PKD2L1: variants seen among roughly 807,000 people sequenced by gnomAD.
PKD2L1 encodes polycystin-2-like protein 1.
In PKD2L1, 77 loss-of-function variants were observed where a neutral mutation model predicts 93.0. The observed-to-expected ratio is 0.83, with a 90% CI of 0.69 to 1.00. PKD2L1 has a LOEUF of 1.00. Ranked by LOEUF, PKD2L1 falls within the 50% of genes least tolerant of loss-of-function variation. The pLI is 0.00. For synonymous variants in PKD2L1, 390 were observed against 388.0 expected, an observed-to-expected ratio of 1.01 and a Z score of -0.06; for missense variants, 977 against 990.9, an observed-to-expected ratio of 0.99 and a Z score of 0.19.
intron 2 of PKD2L1, among the ~76,000 whole-genome samples, chr10:100,306,104 A>G (rs933089756): frequency 3.9e-5 from 6 of 152,106 alleles, no homozygotes; most frequent in Non-Finnish European, 5.9e-5. Flanking sequence ...TCAAGGCTGC[A>G]GTGAGCCAAG....
chr10:100,291,749 T>C (rs1848412002), intron 11 of PKD2L1, among the ~76,000 whole-genome samples: 1 of 152,060 alleles, frequency 6.6e-6, no homozygotes, highest in Non-Finnish European at 1.5e-5. Context: ...ATAATACAAC[T>C]AGAGTAATTA....
intron 2 of PKD2L1, among the ~76,000 whole-genome samples, chr10:100,302,597 G>A (rs1294446268): frequency 6.6e-6 from 1 of 151,806 alleles, no homozygotes; most frequent in Non-Finnish European, 1.5e-5. Flanking sequence ...CCAGCTGCTT[G>A]GGAGGCTGAG....
rs199789744 is a variant in PKD2L1 at position 100,288,407 on chromosome 10, G to A, written c.2407C>T (p.Gln803Ter). ...RLSRGEIPTLQRS is the reference protein window; with the variant it reads ...RLSRGEIPTL Reference sequence around the variant, plus strand: ...GGAGTGCCTCACACTTAACTCCTCTGCAACGTTGGAATCTCACCACGGGAG... The same window carrying A: ...GGAGTGCCTCACACTTAACTCCTCTACAACGTTGGAATCTCACCACGGGAG... Residue 803 changes from glutamine to a stop codon, truncating the protein, a stop_gained, in exon 16 of 16, where the codon CAG (glutamine) becomes TAG (stop). Transcript: ENST00000318222. LOFTEE classifies it high-confidence loss of function. 5.0e-6 allele frequency: 8 copies of A among 1,609,120 alleles called. No homozygotes were observed. Among genetic ancestry groups the A allele is most frequent in the Admixed American group, 3.3e-5 (2 of 60,012 alleles).
intron 8 of PKD2L1, 37 bp from the exon 9 acceptor site, chr10:100,294,692 C>A (rs201481174): frequency 8.9e-5 from 143 of 1,613,222 alleles, no homozygotes; most frequent in South Asian, 2.0e-4. Context: ...CAGAGCCTAA[C>A]AAACACCCCC....
intron 2 of PKD2L1, among the ~76,000 whole-genome samples, chr10:100,308,192 T>C (rs987947273): frequency 1.3e-5 from 2 of 152,118 alleles, no homozygotes; most frequent in Admixed American, 6.6e-5. Flanking sequence ...AAATTCACAA[T>C]TGCTCAATAA....
chr10:100,328,635 C>T (rs1393451305), intron 2 of PKD2L1, among the ~76,000 whole-genome samples: 2 of 151,608 alleles, frequency 1.3e-5, no homozygotes. Flanking sequence ...TGCTCTGTCC[C>T]CCAGGCTGGA....
intron 2 of PKD2L1, among the ~76,000 whole-genome samples, chr10:100,304,252 A>G (rs958422045): frequency 1.3e-5 from 2 of 152,164 alleles, no homozygotes; most frequent in East Asian, 3.8e-4. Flanking sequence ...TCCCTCATTA[A>G]TTCTTACATC....
In PKD2L1 at chr10:100,314,958, AGAAAGAAGGAAGGAAG is replaced by A. The variant is rs1337927971; in HGVS notation, c.349+14237_349+14252del. On this transcript the variant is annotated intron_variant, in intron 2 of 15. Transcript: ENST00000318222. Reference sequence around the variant, plus strand: ...GCTAAGGCAGAAAAGAAAGAAAGAAAGAAAGAAGGAAGGAAGGAAGGAAGGAAGGAAGGAAGGAAGG... The same window carrying A: ...GCTAAGGCAGAAAAGAAAGAAAGAAAGAAGGAAGGAAGGAAGGAAGGAAGG... Among the ~76,000 whole-genome samples, 18 of 43,742 alleles carry A rather than the reference AGAAAGAAGGAAGGAAG, an allele frequency of 4.1e-4. 3 individuals are homozygous for A. The highest frequency in any genetic ancestry group is 1.5e-3 in the South Asian group (2 of 1,370). 28.7% of individuals were successfully genotyped at this position (43,742 alleles called of 152,430 possible). A position where few individuals can be genotyped will look rare whatever the true frequency, so the allele number is the denominator to read the frequency against.
At chr10:100,291,693 A>G (rs192418023) in intron 11 of PKD2L1, among the ~76,000 whole-genome samples, 12 of 152,254 alleles carry the variant, frequency 7.9e-5, no homozygotes, top group Admixed American at 3.9e-4. Flanking sequence ...ATAACCTGCT[A>G]TCCCCCAGCT....
At chr10:100,303,054 AAG>A (rs950069934) in intron 2 of PKD2L1, among the ~76,000 whole-genome samples, 21 of 152,176 alleles carry the variant, frequency 1.4e-4, no homozygotes, top group African/African-American at 3.9e-4. Context: ...AGGATGGGGA[AAG>A]AGAGAATGAG....
chr10:100,300,287 G>A (rs554518983), intron 2 of PKD2L1, among the ~76,000 whole-genome samples: 25 of 152,220 alleles, frequency 1.6e-4, no homozygotes, highest in African/African-American at 5.5e-4. Context: ...ACGATCAGAT[G>A]GGCACAGTCA....
intron 12 of PKD2L1, 27 bp downstream of exon 12, chr10:100,291,274 G>A (rs756149222): frequency 1.2e-6 from 2 of 1,607,698 alleles, no homozygotes; most frequent in Non-Finnish European, 1.7e-6. Flanking sequence ...TCCTTACACT[G>A]CCTCTCCACC....
At chr10:100,297,757 G>A in intron 4 of PKD2L1, 151 bp from the exon 5 acceptor site, 1 of 576,452 alleles carries the variant, frequency 1.7e-6, no homozygotes. Flanking sequence ...TGAGATATGT[G>A]ATATATACAT....
At position 100,297,586 on chromosome 10, in the gene PKD2L1, T is replaced by A. The variant is rs763580228; in HGVS notation, c.752A>T (p.Asp251Val). The change falls in exon 5 of 16, where the codon GAT becomes GTT. Residue 251 changes from aspartate (D) to valine (V), a missense_variant. Transcript: ENST00000318222. Reference protein sequence around the residue: ...NGTAWTYHSQDELGGFSHWGR... With the variant: ...NGTAWTYHSQVELGGFSHWGR... Reference sequence around the variant, plus strand: ...CCAGTGGGAGAAGCCCCCCAACTCATCCTGCGAGTGGTATGTCCACCTGCC... The same window carrying A: ...CCAGTGGGAGAAGCCCCCCAACTCAACCTGCGAGTGGTATGTCCACCTGCC... 4 of 1,613,292 alleles carry A rather than the reference T, an allele frequency of 2.5e-6. No homozygotes were observed. The Admixed American group carries it at 5.0e-5, about 20-fold the overall frequency.
rs1482663711 is a variant in PKD2L1, at chr10:100,292,974, A to C, written c.1854T>G (p.Phe618Leu). ...VLQGGEQEIQ[F>L]EDFTNTLREL... ...CCCTTAAGGTGTTGGTGAAATCCTCAAACTGGATCTCCTGCTCCCCACCCT... is the reference window on the plus strand; with the variant it reads ...CCCTTAAGGTGTTGGTGAAATCCTCCAACTGGATCTCCTGCTCCCCACCCT... Residue 618 changes from phenylalanine (F) to leucine (L), a missense_variant, in exon 11 of 16, where the codon TTT becomes TTG. Phe to Leu is a conservative substitution (Grantham distance 22). Transcript: ENST00000318222. The C allele has an allele frequency of 5.0e-6, 8 of 1,614,012 alleles. No individual in the cohort carries two copies. The highest frequency in any genetic ancestry group is 5.9e-6 in the Non-Finnish European group (7 of 1,179,996).
chr10:100,327,799 C>A (rs941891157), intron 2 of PKD2L1, among the ~76,000 whole-genome samples: 1 of 152,230 alleles, frequency 6.6e-6, no homozygotes, highest in Non-Finnish European at 1.5e-5. Context: ...TGTGTCCTTT[C>A]ACTCCCTGCA....
At chr10:100,313,132 T>A (rs963475326) in intron 2 of PKD2L1, among the ~76,000 whole-genome samples, 3 of 152,192 alleles carry the variant, frequency 2.0e-5, no homozygotes, top group African/African-American at 7.2e-5. Flanking sequence ...TTGCACTTGC[T>A]CTTACTGTCC....
At chr10:100,316,279 TCTC>T (rs1477527194) in intron 2 of PKD2L1, among the ~76,000 whole-genome samples, 1 of 152,226 alleles carries the variant, frequency 6.6e-6, no homozygotes, top group Admixed American at 6.5e-5. Flanking sequence ...TTCAAGCAAT[TCTC>T]CTGCCTCAGC....
chr10:100,288,323 C>T lies in PKD2L1; in HGVS notation c.*73G>A. On this transcript the variant is annotated 3_prime_UTR_variant, in exon 16 of 16. Transcript: ENST00000318222. ...TCCTGGTTAAAGCCCACTCAGTTTC[C>T]AGGTTCAGTGGACCAGGAGGCAGCC... is the stretch of plus-strand genomic sequence containing the variant. 1 of 935,260 alleles carries T rather than the reference C, an allele frequency of 1.1e-6. No individual in the cohort carries two copies. Among genetic ancestry groups the T allele is most frequent in the East Asian group, 2.4e-5 (1 of 41,678 alleles). 57.9% of individuals were successfully genotyped at this position (935,260 alleles called of 1,614,324 possible).
Sources: gnomAD v4.1 joint callset for allele counts (sites outside exome capture counted in the v4.1 genomes callset) on GRCh38, gnomAD v4.1.1 for gene constraint, MANE v1.5 for transcripts, NCBI Gene and HGNC (gene_info 2026-07-23, HGNC 2026-07-21) for gene names.